Variants in OPCML observed in about 807,000 individuals in gnomAD.
OPCML encodes the protein opioid-binding protein/cell adhesion molecule.
A neutral mutation model predicts 37.8 loss-of-function variants in OPCML; 13 were observed. The ratio of observed to expected loss-of-function variants is 0.34; its 90% CI spans 0.22 to 0.55. The LOEUF (loss-of-function observed/expected upper bound fraction) is 0.55. Ranked by LOEUF, OPCML falls within the 20% of genes least tolerant of loss-of-function variation. The probability of loss-of-function intolerance (pLI) is 0.91; values close to 1 mark genes in which losing one functional copy is unlikely to be tolerated. For missense variants in OPCML, 341 were observed against 435.6 expected (o/e 0.78, Z 1.93); for synonymous variants, 176 against 168.8 (o/e 1.04, Z -0.33).
chr11:133,478,945 C>T (rs1362616087), intron 1 of OPCML, among the ~76,000 whole-genome samples: 2 of 152,154 alleles, frequency 1.3e-5, no homozygotes, highest in Non-Finnish European at 2.9e-5. Flanking sequence ...CCCAGGCCAT[C>T]ACTTTGTAGC....
At position 132,943,382 on chromosome 11, in the gene OPCML, A is replaced by G. The variant is rs1396816871; in HGVS notation, c.62-372T>C. 9.2e-5 allele frequency: 45 copies of G among 487,896 alleles called. No individual in the cohort carries two copies. The Admixed American group carries it at 1.5e-3, about 16-fold the overall frequency. The allele number at this position is 487,896 out of a possible 1,614,324, so 30.2% of individuals were successfully genotyped here. On this transcript the variant is annotated intron_variant, in intron 1 of 7. Coordinates refer to ENST00000524381, the MANE Select transcript of OPCML (RefSeq NM_001012393.5). The surrounding 1 kb of genome is among the most constrained non-coding windows in gnomAD (Gnocchi z 4.3). The stretch of plus-strand genomic sequence containing the variant: ...GGGAGGCGGCCAGGAGGGGAGAGGA[A>G]GAAGCAAGGTGCGGGGATGAAGGTC...
intron 1 of OPCML, among the ~76,000 whole-genome samples, chr11:133,327,441 G>A (rs1021687748): frequency 2.0e-5 from 3 of 151,854 alleles, no homozygotes; most frequent in South Asian, 4.1e-4. Context: ...TCAACTGCTC[G>A]AGGTAATTCT....
At chr11:132,992,379 T>A (rs184493426) in intron 1 of OPCML, among the ~76,000 whole-genome samples, 1 of 152,238 alleles carries the variant, frequency 6.6e-6, no homozygotes, top group Non-Finnish European at 1.5e-5. Context: ...AAAGAGAAAC[T>A]CCTATTCATA....
chr11:133,373,746 T>A (rs1944737405), intron 1 of OPCML, among the ~76,000 whole-genome samples: 1 of 152,132 alleles, frequency 6.6e-6, no homozygotes, highest in Non-Finnish European at 1.5e-5. Flanking sequence ...TAAACACTAT[T>A]AAATGTTCGG....
At chr11:132,790,329 G>T (rs1171144350) in intron 2 of OPCML, among the ~76,000 whole-genome samples, 1 of 152,172 alleles carries the variant, frequency 6.6e-6, no homozygotes, top group Non-Finnish European at 1.5e-5. Context: ...AACAATAATT[G>T]ATTGTATATT....
At chr11:133,370,242 T>C (rs1171672144) in intron 1 of OPCML, among the ~76,000 whole-genome samples, 2 of 152,136 alleles carry the variant, frequency 1.3e-5, no homozygotes, top group Non-Finnish European at 2.9e-5. Context: ...TCACTAGCAC[T>C]ATGATCTCAG....
intron 1 of OPCML, among the ~76,000 whole-genome samples, chr11:133,275,771 AGACATTTGTTCAG>A (rs559323505): frequency 1.5e-4 from 23 of 152,354 alleles, no homozygotes; most frequent in African/African-American, 5.3e-4. Context: ...GATATTCAAT[AGACATTTGTTCAG>A]GAGTGGACAG....
intron 1 of OPCML, among the ~76,000 whole-genome samples, chr11:133,495,496 C>T (rs1399817017): frequency 6.6e-6 from 1 of 152,160 alleles, no homozygotes; most frequent in Non-Finnish European, 1.5e-5. Context: ...TCCATAGTGG[C>T]TGTTTTAGTT....
chr11:132,436,531 C>T (rs2096013629), intron 6 of OPCML, 128 bp downstream of exon 6: 2 of 1,469,426 alleles, frequency 1.4e-6, no homozygotes, highest in Non-Finnish European at 1.8e-6. Context: ...GACTTTGTTA[C>T]AAAAGAGGGC....
chr11:132,938,228 A>G (rs896981690), intron 2 of OPCML, among the ~76,000 whole-genome samples: 4 of 152,136 alleles, frequency 2.6e-5, no homozygotes, highest in African/African-American at 9.7e-5. Flanking sequence ...TAGTCAACAC[A>G]TAAAGCACAG....
chr11:132,703,495 C>T (rs3016384), intron 2 of OPCML, among the ~76,000 whole-genome samples: 74,767 of 151,988 alleles, frequency 0.49, 18,525 homozygotes, highest in Admixed American at 0.57. Flanking sequence ...AAGAAGTACA[C>T]ATCTCTTCCG....
chr11:133,146,913 A>G (rs570800897), intron 1 of OPCML, among the ~76,000 whole-genome samples: 1 of 152,338 alleles, frequency 6.6e-6, no homozygotes, highest in East Asian at 1.9e-4. Flanking sequence ...GAGCTGTCCA[A>G]TTTATCAGCT....
intron 1 of OPCML, chr11:133,421,377 A>C: frequency 1.0e-6 from 1 of 985,404 alleles, no homozygotes; most frequent in Non-Finnish European, 1.2e-6. Context: ...ACAGGGTGTC[A>C]CTCGGAGACC....
intron 1 of OPCML, among the ~76,000 whole-genome samples, chr11:133,029,721 G>A (rs955164775): frequency 6.6e-6 from 1 of 152,042 alleles, no homozygotes; most frequent in Non-Finnish European, 1.5e-5. Context: ...GTTTCAAAAA[G>A]TGTGAGGGGC....
At chr11:133,240,765 C>T (rs1355303193) in intron 1 of OPCML, among the ~76,000 whole-genome samples, 1 of 152,164 alleles carries the variant, frequency 6.6e-6, no homozygotes, top group African/African-American at 2.4e-5. Flanking sequence ...TGTTGTTCTC[C>T]TCATCACCTC....
chr11:132,552,494 A>T (rs7131390), intron 3 of OPCML, among the ~76,000 whole-genome samples: 1 of 151,982 alleles, frequency 6.6e-6, no homozygotes, highest in Non-Finnish European at 1.5e-5. Flanking sequence ...TTCTGTTGTT[A>T]TTGTTTGTTT....
At chr11:133,272,084 C>T (rs1941854433) in intron 1 of OPCML, among the ~76,000 whole-genome samples, 1 of 152,100 alleles carries the variant, frequency 6.6e-6, no homozygotes, top group Non-Finnish European at 1.5e-5. Flanking sequence ...GAAAGGAGTG[C>T]TTCAGATGCA....
chr11:132,673,585 G>A (rs1199694116), intron 2 of OPCML, among the ~76,000 whole-genome samples: 4 of 152,072 alleles, frequency 2.6e-5, no homozygotes, highest in Non-Finnish European at 5.9e-5. Flanking sequence ...GCAGGGTTGG[G>A]AGGTGGAAAA....
intron 1 of OPCML, among the ~76,000 whole-genome samples, chr11:133,483,985 ATAGC>A (rs1209293558): frequency 6.6e-6 from 1 of 151,476 alleles, no homozygotes; most frequent in Non-Finnish European, 1.5e-5. Flanking sequence ...AGATAGAAAG[ATAGC>A]TAGCTAGCTA....
Sources: allele counts gnomAD v4.1 joint callset (sites outside exome capture counted in the v4.1 genomes callset), GRCh38; gene constraint gnomAD v4.1.1; non-coding constraint Gnocchi (gnomAD v3.1); transcripts MANE v1.5; gene names NCBI Gene and HGNC (gene_info 2026-07-23, HGNC 2026-07-21).